Variants in SNRPD3 observed in about 807,000 individuals in gnomAD.
The protein encoded by SNRPD3 is small nuclear ribonucleoprotein D3 polypeptide.
For synonymous variants in SNRPD3, 66 were observed against 58.4 expected, an observed-to-expected ratio of 1.13 and a Z score of -0.59; for missense variants, 73 against 167.5, an observed-to-expected ratio of 0.44 and a Z score of 3.11.
At chr22:24,570,089 C>T (rs931466937) in intron 3 of SNRPD3, among the ~76,000 whole-genome samples, 7 of 152,224 alleles carry the variant, frequency 4.6e-5, no homozygotes, top group African/African-American at 9.6e-5. Context: ...CACTAATAGA[C>T]GGGGTTGGGA....
In SNRPD3 at chr22:24,573,167, G is replaced by GTACTCCA. The variant is rs1013187452; in HGVS notation, c.*1191_*1197dup. Among the ~76,000 whole-genome samples, 11 of 152,148 alleles carry GTACTCCA rather than the reference G, an allele frequency of 7.2e-5. No homozygotes were observed. Among genetic ancestry groups the GTACTCCA allele is most frequent in the African/African-American group, 2.6e-4 (11 of 41,518 alleles). ...TGCAGTGAGCTATGACCTTGCCACT[G>GTACTCCA]TACTCCAGCCTGGGCAAAAGAGCAA... On this transcript the variant is annotated 3_prime_UTR_variant, in exon 4 of 4. Coordinates refer to ENST00000215829, the MANE Select transcript of SNRPD3 (RefSeq NM_004175.5).
intron 2 of SNRPD3, among the ~76,000 whole-genome samples, chr22:24,558,828 C>T (rs1034797180): frequency 3.9e-5 from 6 of 152,140 alleles, no homozygotes; most frequent in Admixed American, 6.5e-5. Context: ...CTGGCACCCC[C>T]GGTGTGTTCA....
intron 3 of SNRPD3, among the ~76,000 whole-genome samples, chr22:24,569,341 A>G (rs2045227347): frequency 6.6e-6 from 1 of 152,238 alleles, no homozygotes; most frequent in Non-Finnish European, 1.5e-5. Context: ...TTAGACAACA[A>G]AGTAATTGTG....
chr22:24,556,624 A>G (rs572721026), intron 1 of SNRPD3, among the ~76,000 whole-genome samples: 18 of 152,300 alleles, frequency 1.2e-4, no homozygotes, highest in African/African-American at 4.3e-4. Flanking sequence ...AGTTTTAACA[A>G]GTTTCTCTGC....
At chr22:24,567,633 C>T (rs139166696) in intron 2 of SNRPD3, among the ~76,000 whole-genome samples, 3,005 of 152,174 alleles carry the variant, frequency 0.02, 103 homozygotes, top group African/African-American at 0.069. Context: ...GTAATCCCAG[C>T]TACTCAGGAG....
chr22:24,571,757 A>T (rs2045252244), intron 3 of SNRPD3, among the ~76,000 whole-genome samples, 159 bp from the exon 4 acceptor site: 1 of 151,984 alleles, frequency 6.6e-6, no homozygotes, highest in Non-Finnish European at 1.5e-5. Flanking sequence ...AAATAAAAAA[A>T]AAAAAAGGCG....
intron 3 of SNRPD3, among the ~76,000 whole-genome samples, chr22:24,571,597 G>C (rs1037407611): frequency 6.6e-6 from 1 of 152,026 alleles, no homozygotes; most frequent in Non-Finnish European, 1.5e-5. Context: ...GAAATTAGCC[G>C]GGCGTTGTGG....
intron 2 of SNRPD3, among the ~76,000 whole-genome samples, chr22:24,564,918 C>T (rs2045182832): frequency 2.2e-5 from 3 of 136,938 alleles, no homozygotes; most frequent in South Asian, 2.3e-4. Flanking sequence ...GGGTCTTACT[C>T]TGTTGCCCAG....
At chr22:24,564,787 A>G (rs553441931) in intron 2 of SNRPD3, among the ~76,000 whole-genome samples, 35 of 152,254 alleles carry the variant, frequency 2.3e-4, no homozygotes, top group Non-Finnish European at 4.3e-4. Flanking sequence ...CACAGCTCCC[A>G]AAACACATTT....
Position 24,567,966 on chromosome 22 carries a change from C to T in SNRPD3, c.127-18C>T, listed in dbSNP as rs374475967. On this transcript the variant is annotated intron_variant, in intron 2 of 3. Transcript: ENST00000215829. ...GTGCTGTTGACCGTTAACTTATTAG[C>T]TGGTGATTTCCTTCCAGATGTCCAA... 6 of 1,581,972 alleles carry T rather than the reference C, an allele frequency of 3.8e-6. No individual in the cohort carries two copies. The highest frequency in any genetic ancestry group is 1.4e-5 in the African/African-American group (1 of 73,988).
At chr22:24,563,210 G>A (rs1194299022) in intron 2 of SNRPD3, among the ~76,000 whole-genome samples, 2,674 of 85,152 alleles carry the variant, frequency 0.031, 88 homozygotes, top group African/African-American at 0.093. Flanking sequence ...TCATATATGT[G>A]TGTGTGTGTG....
At chr22:24,568,960 C>T (rs1001824963) in intron 3 of SNRPD3, among the ~76,000 whole-genome samples, 1 of 152,218 alleles carries the variant, frequency 6.6e-6, no homozygotes, top group African/African-American at 2.4e-5. Context: ...CCACCTGCCT[C>T]GGCCCCCTGA....
At chr22:24,568,207 T>A in intron 3 of SNRPD3, 31 bp downstream of exon 3, 1 of 1,560,806 alleles carries the variant, frequency 6.4e-7, no homozygotes, top group Non-Finnish European at 8.8e-7. Context: ...GGTTTTAAAA[T>A]ATAGGTTTGT....
chr22:24,555,846 G>A (rs750133832), upstream of SNRPD3: 6 of 1,540,868 alleles, frequency 3.9e-6, no homozygotes, highest in African/African-American at 8.2e-5. Flanking sequence ...TTCCGGTGCC[G>A]GAACTATCGT....
chr22:24,569,336 C>A (rs2045227254), intron 3 of SNRPD3, among the ~76,000 whole-genome samples: 1 of 152,152 alleles, frequency 6.6e-6, no homozygotes, highest in South Asian at 2.1e-4. Context: ...GTTGATTAGA[C>A]AACAAAGTAA....
At chr22:24,556,215 A>G (rs2045060018) in intron 1 of SNRPD3, 144 bp downstream of exon 1, 2 of 348,994 alleles carry the variant, frequency 5.7e-6, no homozygotes, top group Non-Finnish European at 1.1e-5. Flanking sequence ...GCGTCGCCTC[A>G]CTAGCTCCTG....
intron 2 of SNRPD3, among the ~76,000 whole-genome samples, chr22:24,564,105 AAGAT>A (rs1246221099): frequency 1.6e-4 from 25 of 152,174 alleles, no homozygotes; most frequent in African/African-American, 5.8e-4. Flanking sequence ...CCTAAGAACA[AAGAT>A]AGGTAGATGG....
chr22:24,558,062 G>A, intron 2 of SNRPD3: 1 of 276,756 alleles, frequency 3.6e-6, no homozygotes, highest in African/African-American at 2.2e-5. Flanking sequence ...CAAATATGGG[G>A]GTCTATTTGG....
intron 2 of SNRPD3, among the ~76,000 whole-genome samples, chr22:24,565,612 A>T (rs927552562): frequency 6.6e-6 from 1 of 152,170 alleles, no homozygotes; most frequent in Non-Finnish European, 1.5e-5. Flanking sequence ...TGTCTTCTAC[A>T]GAGTCATGAG....
Sources: gnomAD v4.1 joint callset for allele counts (sites outside exome capture counted in the v4.1 genomes callset) on GRCh38, gnomAD v4.1.1 for gene constraint, MANE v1.5 for transcripts, NCBI Gene and HGNC (gene_info 2026-07-23, HGNC 2026-07-21) for gene names.